PHACTR3: variants seen among roughly 807,000 people sequenced by gnomAD.
The protein encoded by PHACTR3 is protein phosphatase 1, regulatory subunit 123.
PHACTR3 carries 16 observed loss-of-function variants against 66.8 expected under a neutral mutation model. The ratio of observed to expected loss-of-function variants is 0.24; its 90% CI spans 0.16 to 0.36. The LOEUF (loss-of-function observed/expected upper bound fraction) is 0.36. Ranked by LOEUF, PHACTR3 falls within the 10% of genes least tolerant of loss-of-function variation. The pLI, the probability that PHACTR3 is intolerant of heterozygous loss-of-function variation, is 1.00. For missense variants in PHACTR3, 647 were observed against 719.9 expected, an observed-to-expected ratio of 0.90 and a Z score of 1.16; for synonymous variants, 323 against 292.1, an observed-to-expected ratio of 1.11 and a Z score of -1.08.
At chr20:59,760,867 C>T (rs2039973188) in intron 4 of PHACTR3, among the ~76,000 whole-genome samples, 1 of 152,108 alleles carries the variant, frequency 6.6e-6, no homozygotes, top group Admixed American at 6.5e-5. Context: ...GAGAGTGACA[C>T]TCAGGGAGCG....
At chr20:59,807,433 TCTC>T (rs1435693082) in intron 8 of PHACTR3, among the ~76,000 whole-genome samples, 1 of 152,230 alleles carries the variant, frequency 6.6e-6, no homozygotes, top group Non-Finnish European at 1.5e-5. Context: ...AGAGCTGTCA[TCTC>T]CTATGAGAAC....
chr20:59,662,565 G>T (rs1201457980), intron 1 of PHACTR3, among the ~76,000 whole-genome samples: 4 of 152,172 alleles, frequency 2.6e-5, no homozygotes, highest in African/African-American at 4.8e-5. Context: ...CTGCATCCTG[G>T]TGGCTTTGTA....
chr20:59,598,336 G>A (rs758353011), intron 1 of PHACTR3, among the ~76,000 whole-genome samples: 1 of 152,238 alleles, frequency 6.6e-6, no homozygotes, highest in East Asian at 1.9e-4. Flanking sequence ...GCTTCTGTGT[G>A]CTGTGTCAAA....
At chr20:59,665,247 C>G (rs2035945499) in intron 1 of PHACTR3, among the ~76,000 whole-genome samples, 1 of 152,156 alleles carries the variant, frequency 6.6e-6, no homozygotes, top group Non-Finnish European at 1.5e-5. Flanking sequence ...CTCTCTCTAC[C>G]TAGGATTCTT....
At chr20:59,731,741 T>C (rs1403663774) in intron 1 of PHACTR3, among the ~76,000 whole-genome samples, 1 of 152,308 alleles carries the variant, frequency 6.6e-6, no homozygotes, top group East Asian at 1.9e-4. Flanking sequence ...TGCCCATTTA[T>C]GTAGTCTTAA....
chr20:59,618,509 C>T (rs1005792893), intron 1 of PHACTR3, among the ~76,000 whole-genome samples: 1 of 152,164 alleles, frequency 6.6e-6, no homozygotes, highest in African/African-American at 2.4e-5. Flanking sequence ...GTTTGCAGAG[C>T]TCATTCAGAA....
At chr20:59,784,130 G>A (rs1601348594) in intron 7 of PHACTR3, among the ~76,000 whole-genome samples, 1 of 152,120 alleles carries the variant, frequency 6.6e-6, no homozygotes, top group Non-Finnish European at 1.5e-5. Context: ...GTCAGTTAAA[G>A]GTTTGAGAAT....
intron 1 of PHACTR3, among the ~76,000 whole-genome samples, chr20:59,674,459 T>TCCCC (rs2036321572): frequency 2.6e-5 from 3 of 113,870 alleles, no homozygotes; most frequent in African/African-American, 1.2e-4. Flanking sequence ...CCTTCTCCTG[T>TCCCC]CCTCTCTTCT....
At chr20:59,840,329 CTCTT>C in intron 9 of PHACTR3, 36 bp from the exon 10 acceptor site, 1 of 1,596,700 alleles carries the variant, frequency 6.3e-7, no homozygotes, top group East Asian at 2.2e-5. Context: ...CAACCTGTTT[CTCTT>C]TGTTATTTTT....
intron 5 of PHACTR3, among the ~76,000 whole-genome samples, chr20:59,771,111 T>G (rs967277690): frequency 6.6e-6 from 1 of 152,182 alleles, no homozygotes; most frequent in African/African-American, 2.4e-5. Flanking sequence ...CATCTGTGAT[T>G]GACAGTGGGG....
chr20:59,722,576 C>T (rs1393224265), intron 1 of PHACTR3, among the ~76,000 whole-genome samples: 2 of 152,112 alleles, frequency 1.3e-5, no homozygotes. Flanking sequence ...TGGAGGGTTT[C>T]AGCACAGGAC....
At chr20:59,633,195 T>C (rs6064821) in intron 1 of PHACTR3, among the ~76,000 whole-genome samples, 106,867 of 152,066 alleles carry the variant, frequency 0.7, 37,818 homozygotes, top group East Asian at 0.9. Context: ...TAAAGACATA[T>C]GCATACGTGT....
intron 3 of PHACTR3, among the ~76,000 whole-genome samples, chr20:59,751,494 A>G (rs1453915414): frequency 6.6e-6 from 1 of 152,008 alleles, no homozygotes; most frequent in Non-Finnish European, 1.5e-5. Flanking sequence ...GTACATACAC[A>G]TTGGACACCC....
chr20:59,818,728 T>C (rs2041950459), intron 8 of PHACTR3, among the ~76,000 whole-genome samples: 1 of 152,198 alleles, frequency 6.6e-6, no homozygotes, highest in Non-Finnish European at 1.5e-5. Flanking sequence ...ACCATTCCCT[T>C]TGCTTCACCA....
chr20:59,617,409 A>G lies in PHACTR3; in HGVS notation c.118+12277A>G, dbSNP rs187883353. On this transcript the variant is annotated intron_variant, in intron 1 of 12. Transcript: ENST00000371015. ...CGAGTGTGAGTTCTCAGGAATATAC[A>G]TCACTGAAAGTGAGCCCACACATTT... Among the ~76,000 whole-genome samples the G allele has an allele frequency of 2.2e-3, 331 of 152,370 alleles. 1 individual carries two copies. The highest frequency in any genetic ancestry group is 3.1e-3 in the Non-Finnish European group (211 of 68,042).
At chr20:59,681,248 C>T (rs1024568276) in intron 1 of PHACTR3, among the ~76,000 whole-genome samples, 3 of 152,172 alleles carry the variant, frequency 2.0e-5, no homozygotes, top group South Asian at 2.1e-4. Context: ...GGCTGGCTGT[C>T]TTGGAGATTC....
chr20:59,605,855 A>AGGGGGGGGGGGGGG (rs2033647544), intron 1 of PHACTR3, among the ~76,000 whole-genome samples: 1 of 8,844 alleles, frequency 1.1e-4, no homozygotes, highest in African/African-American at 6.4e-4. Flanking sequence ...GCGGGGGGGG[A>AGGGGGGGGGGGGGG]GGTGGGGGGG....
In PHACTR3 at chr20:59,774,281, G is replaced by A. The variant is rs143127476; in HGVS notation, c.965G>A (p.Arg322Gln). 18 of 1,608,390 alleles carry A rather than the reference G, an allele frequency of 1.1e-5. No homozygotes were observed. Among genetic ancestry groups the A allele is most frequent in the Admixed American group, 1.0e-4 (6 of 58,826 alleles). The change falls in exon 7 of 13, where the codon CGG (arginine) becomes CAG (glutamine). Residue 322 changes from arginine (R) to glutamine (Q), a missense_variant. Arg to Gln is a conservative substitution (Grantham distance 43). Coordinates refer to ENST00000371015, the MANE Select transcript of PHACTR3 (RefSeq NM_080672.5). ...GRESKGSPKK[R>Q]LDVRLSRTSS... ...GAAAGTAAAGGGTCTCCAAAGAAGCGGCTGGATGTCCGTCTGTCGAGAACG... is the reference window on the plus strand; with the variant it reads ...GAAAGTAAAGGGTCTCCAAAGAAGCAGCTGGATGTCCGTCTGTCGAGAACG...
chr20:59,666,686 T>G (rs774266906), intron 1 of PHACTR3, among the ~76,000 whole-genome samples: 29 of 145,084 alleles, frequency 2.0e-4, no homozygotes, highest in Admixed American at 6.8e-4. Flanking sequence ...GAGAGAGAGA[T>G]AGAAAGAGAG....
Sources: allele counts gnomAD v4.1 joint callset (sites outside exome capture counted in the v4.1 genomes callset), GRCh38; gene constraint gnomAD v4.1.1; transcripts MANE v1.5; gene names NCBI Gene and HGNC (gene_info 2026-07-23, HGNC 2026-07-21).